The following SLC2A5 variants were observed in gnomAD, a reference collection of about 807,000 sequenced individuals.
SLC2A5 encodes the protein solute carrier family 2, facilitated glucose transporter member 5.
In SLC2A5, 56 loss-of-function variants were observed where a neutral mutation model predicts 50.3. The observed-to-expected ratio is 1.11, with a 90% CI of 0.90 to 1.39. The LOEUF (loss-of-function observed/expected upper bound fraction) is 1.39. Among genes scored for constraint, SLC2A5 ranks in the 40% most tolerant of loss-of-function variants. SLC2A5 has a pLI of 0.00. For synonymous variants in SLC2A5, 269 were observed against 281.9 expected (o/e 0.95, Z 0.46); for missense variants, 566 against 650.1 (o/e 0.87, Z 1.41).
chr1:9,054,501 GAT>G (rs1383040422), intron 3 of SLC2A5, among the ~76,000 whole-genome samples: 1 of 152,024 alleles, frequency 6.6e-6, no homozygotes. Context: ...GAATAACTAA[GAT>G]AAATTTGAAA....
upstream of SLC2A5, among the ~76,000 whole-genome samples, chr1:9,088,921 A>G (rs1484648033): frequency 6.6e-6 from 1 of 152,200 alleles, no homozygotes; most frequent in Non-Finnish European, 1.5e-5. Context: ...ATTTGTCACA[A>G]ATCAAACAGC....
intron 3 of SLC2A5, among the ~76,000 whole-genome samples, chr1:9,056,675 G>A (rs868378254): frequency 3.3e-5 from 5 of 152,152 alleles, no homozygotes; most frequent in Admixed American, 2.0e-4. Flanking sequence ...GAATTTATAC[G>A]GGGGAGCGTG....
rs1642167819 is a variant in SLC2A5, at chr1:9,069,499, C to G, written c.33+5G>C. On this transcript the variant is annotated splice_donor_5th_base_variant and intron_variant, in intron 1 of 11. Transcript: ENST00000377424. ...TTGGCCCCTTTCCCTGAGCAACACACTCACCCCTTCCTTCATGCTCTGATC... is the reference window on the plus strand; with the variant it reads ...TTGGCCCCTTTCCCTGAGCAACACAGTCACCCCTTCCTTCATGCTCTGATC... 6.2e-7 allele frequency: 1 copy of G among 1,614,002 alleles called. No individual in the cohort carries two copies.
intron 2 of SLC2A5, chr1:9,082,814 T>C: frequency 4.7e-6 from 2 of 428,436 alleles, no homozygotes; most frequent in Admixed American, 2.8e-5. Flanking sequence ...GGGTTTTGAA[T>C]TTGCAGTAAC....
intron 2 of SLC2A5, among the ~76,000 whole-genome samples, chr1:9,077,029 C>T (rs1407253559): frequency 4.6e-5 from 7 of 151,320 alleles, no homozygotes; most frequent in East Asian, 2.0e-4. Flanking sequence ...CCTCGTGATC[C>T]GCTCGCCTCA....
intron 1 of SLC2A5, among the ~76,000 whole-genome samples, chr1:9,086,752 T>C (rs1270299672): frequency 6.6e-6 from 1 of 152,102 alleles, no homozygotes; most frequent in African/African-American, 2.4e-5. Context: ...GTGCTATTGA[T>C]TGGTTCTGGA....
chr1:9,054,195 A>G (rs1236828734), intron 3 of SLC2A5, among the ~76,000 whole-genome samples: 1 of 152,136 alleles, frequency 6.6e-6, no homozygotes, highest in Non-Finnish European at 1.5e-5. Flanking sequence ...TTGGCTGAAA[A>G]AGTCTCAGAA....
intron 1 of SLC2A5, among the ~76,000 whole-genome samples, chr1:9,060,001 C>CACACACT (rs1557675765): frequency 5.7e-5 from 8 of 139,184 alleles, no homozygotes; most frequent in African/African-American, 2.4e-4. Flanking sequence ...CACACACACA[C>CACACACT]ACACACACAC....
intron 1 of SLC2A5, among the ~76,000 whole-genome samples, chr1:9,059,552 T>C (rs1641853571): frequency 1.1e-5 from 1 of 87,654 alleles, no homozygotes; most frequent in Non-Finnish European, 2.3e-5. Context: ...TTTTTTTTTT[T>C]TTCTGAGACA....
At chr1:9,052,540 G>A (rs971498602) in intron 3 of SLC2A5, among the ~76,000 whole-genome samples, 45 of 152,074 alleles carry the variant, frequency 3.0e-4, no homozygotes, top group African/African-American at 1.1e-3. Flanking sequence ...AAACCCTAAT[G>A]TACACTATGA....
At chr1:9,041,683 C>G in intron 5 of SLC2A5, 102 bp downstream of exon 5, 1 of 1,598,306 alleles carries the variant, frequency 6.3e-7, no homozygotes, top group Non-Finnish European at 8.5e-7. Context: ...AGAGACCAGT[C>G]TGCAGAAAGT....
At chr1:9,046,467 G>T (rs983653555) in intron 4 of SLC2A5, among the ~76,000 whole-genome samples, 1 of 152,160 alleles carries the variant, frequency 6.6e-6, no homozygotes, top group African/African-American at 2.4e-5. Flanking sequence ...GTCAGCACCC[G>T]CTCAGCAGGT....
At chr1:9,047,815 G>A in intron 3 of SLC2A5, 81 bp from the exon 4 acceptor site, 1 of 1,460,140 alleles carries the variant, frequency 6.8e-7, no homozygotes, top group Non-Finnish European at 9.4e-7. Flanking sequence ...TGTCTCCTCT[G>A]CATAGGCTCC....
At chr1:9,054,286 C>T (rs776906360) in intron 3 of SLC2A5, among the ~76,000 whole-genome samples, 18 of 152,064 alleles carry the variant, frequency 1.2e-4, no homozygotes, top group Non-Finnish European at 2.1e-4. Context: ...TGGTCCTTTA[C>T]GATGAAACTT....
upstream of SLC2A5, chr1:9,071,938 G>T (rs116015028): frequency 6.5e-3 from 1,061 of 162,760 alleles, 14 homozygotes; most frequent in African/African-American, 0.024. Flanking sequence ...CTCGGCCTCT[G>T]CCTCAGCCCG....
chr1:9,039,877 G>A lies in SLC2A5; in HGVS notation c.808C>T (p.Arg270Trp), dbSNP rs779760381. Residue 270 changes from arginine to tryptophan, a missense_variant, in exon 7 of 12, where the codon CGG becomes TGG. By Grantham distance (101) the Arg-to-Trp change is moderately radical. Transcript: ENST00000377424. ...AGCTGCCAGCGCAGCGAGCGCATCC[G>A]GAACAGCTTCAGCACGGAGATGAAG... Reference protein sequence around the residue: ...AGFISVLKLFRMRSLRWQLLS... With the variant: ...AGFISVLKLFWMRSLRWQLLS... The A allele has an allele frequency of 7.4e-6, 12 of 1,612,476 alleles. No individual in the cohort carries two copies. In the South Asian group the frequency reaches 1.1e-4, roughly 15 times the overall value.
At position 9,059,359 on chromosome 1, in the gene SLC2A5, G is replaced by A. The variant is rs577376301; in HGVS notation, c.34-1109C>T. 6.1e-3 allele frequency among the ~76,000 whole-genome samples: 919 copies of A among 151,324 alleles called. 6 individuals are homozygous for A. The highest frequency in any genetic ancestry group is 8.9e-3 in the Non-Finnish European group (602 of 67,856). ...GGGGTTTCACTGTGTTAGCCAGGAT[G>A]GTCTCAATCTCCTGACCTCGTGATC... is the stretch of plus-strand genomic sequence containing the variant. On this transcript the variant is annotated intron_variant, in intron 1 of 11. Transcript: ENST00000377424.
intron 1 of SLC2A5, among the ~76,000 whole-genome samples, chr1:9,066,345 C>T (rs1642082473): frequency 6.6e-6 from 1 of 152,114 alleles, no homozygotes; most frequent in Non-Finnish European, 1.5e-5. Context: ...AGGCGATCCT[C>T]CCACCTCAGC....
chr1:9,056,605 G>C (rs956652574), intron 3 of SLC2A5, among the ~76,000 whole-genome samples: 1 of 151,986 alleles, frequency 6.6e-6, no homozygotes, highest in Non-Finnish European at 1.5e-5. Context: ...ATCCCTAGAC[G>C]GGTTGGACAA....
Sources: allele counts gnomAD v4.1 joint callset (sites outside exome capture counted in the v4.1 genomes callset), GRCh38; gene constraint gnomAD v4.1.1; transcripts MANE v1.5; gene names NCBI Gene and HGNC (gene_info 2026-07-23, HGNC 2026-07-21).